The following SPACA7 variants were observed in gnomAD, a reference collection of about 807,000 sequenced individuals.
SPACA7 encodes sperm acrosome associated 7.
A neutral mutation model predicts 26.3 loss-of-function variants in SPACA7; 19 were observed. The ratio of observed to expected loss-of-function variants is 0.72; its 90% CI spans 0.50 to 1.06. SPACA7 has a LOEUF of 1.06. Among genes scored for constraint, SPACA7 ranks in the 50% least tolerant of loss-of-function variants. The probability of loss-of-function intolerance (pLI) is 0.00; values close to 1 mark genes in which losing one functional copy is unlikely to be tolerated. For synonymous variants in SPACA7, 84 were observed against 84.5 expected (o/e 0.99, Z 0.04); for missense variants, 211 against 229.9 (o/e 0.92, Z 0.53).
chr13:112,419,757 T>C (rs1297754787), intron 5 of SPACA7, among the ~76,000 whole-genome samples: 1 of 152,098 alleles, frequency 6.6e-6, no homozygotes, highest in Admixed American at 6.6e-5. Flanking sequence ...CAACACAGAT[T>C]GCCTGAGAGT....
chr13:112,391,958 G>A (rs1403696938), intron 1 of SPACA7, among the ~76,000 whole-genome samples: 3 of 152,292 alleles, frequency 2.0e-5, no homozygotes, highest in African/African-American at 4.8e-5. Context: ...GTGCGCAGAC[G>A]AGTCGATTGG....
intron 1 of SPACA7, among the ~76,000 whole-genome samples, chr13:112,383,132 AGAAAGAAAGAAAGAAAG>A (rs1884259596): frequency 3.6e-3 from 14 of 3,884 alleles, no homozygotes; most frequent in Admixed American, 8.2e-3. Flanking sequence ...AAAGAAAGAA[AGAAAGAAAGAAAGAAAG>A]AAAGAAAGAA....
intron 1 of SPACA7, among the ~76,000 whole-genome samples, chr13:112,378,150 A>T (rs1296295198): frequency 6.6e-6 from 1 of 152,144 alleles, no homozygotes; most frequent in Admixed American, 6.5e-5. Context: ...GTTCTCACTA[A>T]CACCCAGTCA....
intron 5 of SPACA7, among the ~76,000 whole-genome samples, chr13:112,429,655 G>C (rs528826438): frequency 6.6e-6 from 1 of 152,066 alleles, no homozygotes; most frequent in African/African-American, 2.4e-5. Flanking sequence ...TAATACTTTT[G>C]CTTTCTAATT....
At chr13:112,383,129 GAA>G (rs751182755) in intron 1 of SPACA7, among the ~76,000 whole-genome samples, 2 of 8,288 alleles carry the variant, frequency 2.4e-4, no homozygotes, top group South Asian at 3.1e-3. Context: ...AGAAAAGAAA[GAA>G]AGAAAGAAAG....
chr13:112,427,944 G>A (rs1876703713), intron 5 of SPACA7, among the ~76,000 whole-genome samples: 1 of 151,906 alleles, frequency 6.6e-6, no homozygotes, highest in South Asian at 2.1e-4. Context: ...TCTGATTTGA[G>A]GTTCATCCAT....
intron 3 of SPACA7, 128 bp downstream of exon 3, chr13:112,398,266 A>G (rs1885413533): frequency 4.4e-6 from 3 of 682,346 alleles, no homozygotes; most frequent in Admixed American, 2.4e-5. Context: ...GCAAGGGCAC[A>G]TGGAGATGTG....
At chr13:112,389,184 C>G (rs1436547257) in intron 1 of SPACA7, among the ~76,000 whole-genome samples, 1 of 152,180 alleles carries the variant, frequency 6.6e-6, no homozygotes, top group East Asian at 1.9e-4. Context: ...AAACTATGAA[C>G]CTTCTCCCAT....
rs147535260 is a variant in SPACA7, at chr13:112,389,750, C to T, written c.95-3271C>T. 1.9e-3 allele frequency among the ~76,000 whole-genome samples: 293 copies of T among 152,260 alleles called. 1 individual carries two copies. The highest frequency in any genetic ancestry group is 6.4e-3 in the African/African-American group (266 of 41,544). On this transcript the variant is annotated intron_variant, in intron 1 of 6. Coordinates refer to ENST00000283550, the MANE Select transcript of SPACA7 (RefSeq NM_145248.5). ...CATTCTTAAATTTCAGCCATGAGTC[C>T]GGCAACACAGTAACACAAAACTCAC...
chr13:112,397,927 G>A (rs1376942128), intron 2 of SPACA7, 122 bp from the exon 3 acceptor site: 1 of 569,334 alleles, frequency 1.8e-6, no homozygotes, highest in East Asian at 3.1e-5. Flanking sequence ...GGTTCCCGGA[G>A]TTCCTGTTTG....
chr13:112,407,395 C>CA (rs1170730837), intron 5 of SPACA7, among the ~76,000 whole-genome samples: 1 of 151,960 alleles, frequency 6.6e-6, no homozygotes, highest in Non-Finnish European at 1.5e-5. Context: ...GATGGAGACA[C>CA]AAAAAACACT....
chr13:112,419,163 A>G (rs955159805), intron 5 of SPACA7, among the ~76,000 whole-genome samples: 4 of 152,216 alleles, frequency 2.6e-5, no homozygotes, highest in Admixed American at 6.5e-5. Flanking sequence ...AAAAAGAGGC[A>G]AGCCTACCAA....
chr13:112,420,735 G>T (rs1875868925), intron 5 of SPACA7, among the ~76,000 whole-genome samples: 1 of 151,812 alleles, frequency 6.6e-6, no homozygotes, highest in Non-Finnish European at 1.5e-5. Flanking sequence ...CACCAAGCAG[G>T]ATACGTTTAA....
At position 112,434,677 on chromosome 13, in the gene SPACA7, T is replaced by C. The variant is rs1877564621; in HGVS notation, c.*128T>C. The C allele has an allele frequency of 1.4e-6, 1 of 721,662 alleles. No individual in the cohort carries two copies. Among genetic ancestry groups the C allele is most frequent in the Non-Finnish European group, 2.3e-6 (1 of 431,090 alleles). The allele number at this position is 721,662 out of a possible 1,614,324, so 44.7% of individuals were successfully genotyped here. A position where few individuals can be genotyped will look rare whatever the true frequency, so the allele number is the denominator to read the frequency against. On this transcript the variant is annotated 3_prime_UTR_variant, in exon 7 of 7. Transcript: ENST00000283550. ...AACCATTCCACATAAAGGAAAATCG[T>C]TTATTCACACGATCCCAATTGGAGT...
intron 1 of SPACA7, among the ~76,000 whole-genome samples, chr13:112,383,425 T>C (rs866162319): frequency 5.9e-5 from 9 of 152,216 alleles, no homozygotes; most frequent in Non-Finnish European, 1.2e-4. Context: ...ATTTACAGTT[T>C]ACAAAATAAA....
chr13:112,408,681 C>G (rs1411589600), intron 5 of SPACA7, among the ~76,000 whole-genome samples: 1 of 152,086 alleles, frequency 6.6e-6, no homozygotes, highest in African/African-American at 2.4e-5. Context: ...AGGACCTCTT[C>G]AAGGAGAACA....
At chr13:112,407,879 A>G (rs892126125) in intron 5 of SPACA7, among the ~76,000 whole-genome samples, 54 of 152,222 alleles carry the variant, frequency 3.5e-4, no homozygotes, top group Non-Finnish European at 7.6e-4. Context: ...TGAGGCCAGC[A>G]TCATCCTGAT....
chr13:112,411,755 T>C (rs1349931788), intron 5 of SPACA7, among the ~76,000 whole-genome samples: 1 of 152,150 alleles, frequency 6.6e-6, no homozygotes, highest in Non-Finnish European at 1.5e-5. Context: ...GTTGCTGCAA[T>C]TGACAGGATT....
intron 5 of SPACA7, 100 bp from the exon 6 acceptor site, chr13:112,432,344 T>C: frequency 1.1e-6 from 1 of 941,550 alleles, no homozygotes; most frequent in Non-Finnish European, 1.7e-6. Flanking sequence ...TGGGTGCTGC[T>C]TTGCTCAGCG....
Sources: allele counts gnomAD v4.1 joint callset (sites outside exome capture counted in the v4.1 genomes callset), GRCh38; gene constraint gnomAD v4.1.1; transcripts MANE v1.5; gene names NCBI Gene and HGNC (gene_info 2026-07-23, HGNC 2026-07-21).